Variants in SCIN observed in about 807,000 individuals in gnomAD.
SCIN encodes adseverin.
Under a neutral mutation model 91.8 loss-of-function variants are expected in SCIN, and 91 were observed. The ratio of observed to expected loss-of-function variants is 0.99; its 90% confidence interval spans 0.84 to 1.18. The LOEUF (loss-of-function observed/expected upper bound fraction) is 1.18. Ranked by LOEUF, SCIN falls within the 50% of genes most tolerant of loss-of-function variation. The pLI, the probability that SCIN is intolerant of heterozygous loss-of-function variation, is 0.00. For missense variants in SCIN, 1,087 were observed against 863.9 expected (o/e 1.26, Z -3.24); for synonymous variants, 367 against 312.6 (o/e 1.17, Z -1.84).
chr7:12,606,876 A>T (rs1005975652), intron 4 of SCIN, among the ~76,000 whole-genome samples: 1 of 152,282 alleles, frequency 6.6e-6, no homozygotes, highest in Non-Finnish European at 1.5e-5. Context: ...CTAATAAATC[A>T]GACTTTGAAA....
At chr7:12,572,203 T>C (rs1199257277) in intron 1 of SCIN, among the ~76,000 whole-genome samples, 1 of 152,190 alleles carries the variant, frequency 6.6e-6, no homozygotes, top group Non-Finnish European at 1.5e-5. Context: ...TAGATGAAGA[T>C]AAGACTTTTA....
At chr7:12,640,204 T>C (rs981897697) in intron 10 of SCIN, 143 bp from the exon 11 acceptor site, 1 of 634,330 alleles carries the variant, frequency 1.6e-6, no homozygotes, top group Non-Finnish European at 2.4e-6. Context: ...CTATATGTTC[T>C]GTTAATCATC....
In SCIN at chr7:12,654,454, A is replaced by G. The variant is rs1201611621; in HGVS notation, c.*1739A>G. ...GGCAGTGTAACCTGTACTAATAAAT[A>G]TAGTGCTAGTCCTGCATGCAACAAA... is the stretch of plus-strand genomic sequence containing the variant. On this transcript the variant is annotated 3_prime_UTR_variant, in exon 16 of 16. Transcript: ENST00000297029. 5 of 152,272 alleles carry G rather than the reference A, an allele frequency of 3.3e-5. No individual in the cohort carries two copies. The highest frequency in any genetic ancestry group is 4.8e-5 in the African/African-American group (2 of 41,564). 9.4% of individuals were successfully genotyped at this position (152,272 alleles called of 1,614,324 possible).
chr7:12,644,730 A>G (rs1437284458), intron 13 of SCIN, 25 bp downstream of exon 13: 1 of 1,548,268 alleles, frequency 6.5e-7, no homozygotes, highest in Non-Finnish European at 8.7e-7. Context: ...AAATAGTGCG[A>G]TAGGGCTGGT....
chr7:12,634,181 T>A (rs1014386756), intron 9 of SCIN, among the ~76,000 whole-genome samples: 2 of 152,090 alleles, frequency 1.3e-5, no homozygotes, highest in African/African-American at 4.8e-5. Flanking sequence ...ATATTAGGAT[T>A]GGTGCAAAAG....
intron 3 of SCIN, among the ~76,000 whole-genome samples, chr7:12,586,290 T>C (rs549091436): frequency 2.2e-4 from 34 of 152,318 alleles, no homozygotes; most frequent in Admixed American, 1.7e-3. Context: ...TTTTGATTTA[T>C]TGAAATGAAT....
chr7:12,595,534 A>C (rs1782822988), intron 3 of SCIN: 1 of 152,104 alleles, frequency 6.6e-6, no homozygotes, highest in East Asian at 1.9e-4. Flanking sequence ...TAGGTAATAT[A>C]AGAGGGGCAC....
chr7:12,573,973 G>A (rs1175702647), intron 1 of SCIN, among the ~76,000 whole-genome samples: 1 of 152,090 alleles, frequency 6.6e-6, no homozygotes, highest in Non-Finnish European at 1.5e-5. Flanking sequence ...ACAGCACTCT[G>A]GAAAAGAGTT....
rs1050039758 is a variant in SCIN at position 12,651,274 on chromosome 7, C to G, written c.1960-567C>G. Among the ~76,000 whole-genome samples, 3 of 152,056 alleles carry G rather than the reference C, an allele frequency of 2.0e-5. No individual in the cohort carries two copies. Among genetic ancestry groups the G allele is most frequent in the African/African-American group, 7.3e-5 (3 of 41,368 alleles). On this transcript the variant is annotated intron_variant, in intron 14 of 15. Transcript: ENST00000297029. The surrounding 1 kb of genome is among the most constrained non-coding windows in gnomAD (Gnocchi z 5.9). The stretch of plus-strand genomic sequence containing the variant: ...TAGATGGTAAATGTTTCTTTCAGAC[C>G]TTTAAGAGTGTGATACTCTCAGTTA...
At chr7:12,624,501 TAAC>T (rs1164992790) in intron 5 of SCIN, among the ~76,000 whole-genome samples, 5 of 152,130 alleles carry the variant, frequency 3.3e-5, no homozygotes, top group African/African-American at 1.2e-4. Context: ...ATATCCTCCT[TAAC>T]AAAGCGACTG....
chr7:12,629,479 C>G (rs983640910), intron 9 of SCIN, among the ~76,000 whole-genome samples: 3 of 152,034 alleles, frequency 2.0e-5, no homozygotes, highest in African/African-American at 7.2e-5. Flanking sequence ...GTGATGTTCT[C>G]CTAGTGGATA....
At chr7:12,630,633 G>C (rs118184156) in intron 9 of SCIN, among the ~76,000 whole-genome samples, 2 of 152,316 alleles carry the variant, frequency 1.3e-5, no homozygotes, top group South Asian at 2.1e-4. Context: ...TTAACATGTC[G>C]TCTTAATAGC....
intron 3 of SCIN, among the ~76,000 whole-genome samples, chr7:12,599,610 T>G (rs1021079016): frequency 1.3e-5 from 2 of 152,210 alleles, no homozygotes; most frequent in Admixed American, 1.3e-4. Context: ...TTTTCCATAG[T>G]GGTCGTTAGT....
intron 4 of SCIN, among the ~76,000 whole-genome samples, chr7:12,606,252 A>G (rs551579348): frequency 9.9e-5 from 15 of 152,168 alleles, no homozygotes; most frequent in Non-Finnish European, 1.6e-4. Flanking sequence ...TCTGCGTTTA[A>G]TAGTGGTAGG....
chr7:12,598,185 G>A (rs993888200), intron 3 of SCIN, among the ~76,000 whole-genome samples: 2 of 152,158 alleles, frequency 1.3e-5, no homozygotes, highest in African/African-American at 2.4e-5. Context: ...ACTTTCTGTT[G>A]TAGTAATAGG....
At chr7:12,638,157 A>G (rs1477813851) in intron 10 of SCIN, among the ~76,000 whole-genome samples, 7 of 152,214 alleles carry the variant, frequency 4.6e-5, no homozygotes, top group Non-Finnish European at 1.5e-5. Context: ...TATAACTGAC[A>G]TACAGACTTC....
rs756167089 is a variant in SCIN, at chr7:12,640,486, G to T, written c.1550G>T (p.Arg517Ile). 6.2e-7 allele frequency: 1 copy of T among 1,612,108 alleles called. No homozygotes were observed. The highest frequency in any genetic ancestry group is 1.1e-5 in the South Asian group (1 of 90,762). ...APPTRLFQVR[R>I]NLASITRIVE... ...CCTACACGCCTCTTTCAAGTCCGGA[G>T]AAACCTGGCATCTATCACCAGAATT... Residue 517 changes from arginine (R) to isoleucine (I), a missense_variant, in exon 11 of 16, where the codon AGA becomes ATA. Arg to Ile is a moderately conservative substitution (Grantham distance 97). Coordinates refer to ENST00000297029, the MANE Select transcript of SCIN (RefSeq NM_001112706.3).
At chr7:12,577,165 T>G (rs1782389453) in intron 1 of SCIN, among the ~76,000 whole-genome samples, 1 of 152,206 alleles carries the variant, frequency 6.6e-6, no homozygotes, top group Non-Finnish European at 1.5e-5. Flanking sequence ...TAATAAATGT[T>G]AGCGTGCTGC....
rs192632819 is a variant in SCIN, at chr7:12,630,313, C to A, written c.1319+1091C>A. On this transcript the variant is annotated intron_variant, in intron 9 of 15. Transcript: ENST00000297029. The stretch of plus-strand genomic sequence containing the variant: ...TAGACTCTCAGGCCCCACCTTTGAC[C>A]CACAAAGGCAGAACCTGCATTTTAG... Among the ~76,000 whole-genome samples, 30 of 152,266 alleles carry A rather than the reference C, an allele frequency of 2.0e-4. 2 individuals carry two copies. The South Asian group carries it at 3.7e-3, about 19-fold the overall frequency.
Sources: allele counts gnomAD v4.1 joint callset (sites outside exome capture counted in the v4.1 genomes callset), GRCh38; gene constraint gnomAD v4.1.1; non-coding constraint Gnocchi (gnomAD v3.1); transcripts MANE v1.5; gene names NCBI Gene and HGNC (gene_info 2026-07-23, HGNC 2026-07-21).